The following NALF1 variants were observed in gnomAD, a reference collection of about 807,000 sequenced individuals.
NALF1 encodes NALCN channel auxiliary factor 1.
NALF1 carries 3 observed loss-of-function variants against 48.4 expected under a neutral mutation model. The observed-to-expected ratio is 0.06, with a 90% confidence interval of 0.03 to 0.16. The LOEUF (loss-of-function observed/expected upper bound fraction) is 0.16. Ranked by LOEUF, NALF1 falls within the 10% of genes least tolerant of loss-of-function variation. The probability of loss-of-function intolerance (pLI) is 1.00; values close to 1 mark genes in which losing one functional copy is unlikely to be tolerated. For synonymous variants in NALF1, 262 were observed against 245.7 expected (o/e 1.07, Z -0.62); for missense variants, 526 against 571.5 (o/e 0.92, Z 0.81).
At chr13:107,325,879 T>TATATATATAC (rs1162789633) in intron 1 of NALF1, among the ~76,000 whole-genome samples, 1 of 105,968 alleles carries the variant, frequency 9.4e-6, no homozygotes. Flanking sequence ...TATATATATA[T>TATATATATAC]ATATATATAC....
intron 1 of NALF1, among the ~76,000 whole-genome samples, chr13:107,536,614 C>T (rs927649550): frequency 6.6e-6 from 1 of 152,166 alleles, no homozygotes; most frequent in Non-Finnish European, 1.5e-5. Context: ...AATAGGAACA[C>T]TTTTACACTG....
chr13:107,515,438 A>G (rs996770053), intron 1 of NALF1, among the ~76,000 whole-genome samples: 4 of 152,032 alleles, frequency 2.6e-5, no homozygotes, highest in African/African-American at 9.7e-5. Flanking sequence ...CCTTATAACA[A>G]CCTGTTATAA....
chr13:107,732,881 T>C (rs1439133766), intron 1 of NALF1, among the ~76,000 whole-genome samples: 1 of 152,162 alleles, frequency 6.6e-6, no homozygotes, highest in Non-Finnish European at 1.5e-5. Context: ...AAGACACATA[T>C]GGACAAACTT....
At chr13:107,382,507 C>T (rs1354103583) in intron 1 of NALF1, among the ~76,000 whole-genome samples, 3 of 152,182 alleles carry the variant, frequency 2.0e-5, no homozygotes, top group Non-Finnish European at 2.9e-5. Flanking sequence ...CTAATGTTAA[C>T]ATTTTACATA....
chr13:107,530,828 A>G (rs1018751860), intron 1 of NALF1, among the ~76,000 whole-genome samples: 6 of 152,128 alleles, frequency 3.9e-5, no homozygotes, highest in Admixed American at 3.3e-4. Context: ...GTTATATATG[A>G]ACTATTTTCA....
chr13:107,821,480 A>G (rs1041486264), intron 1 of NALF1, among the ~76,000 whole-genome samples: 1 of 152,294 alleles, frequency 6.6e-6, no homozygotes, highest in Non-Finnish European at 1.5e-5. Context: ...TGAGGAGGAC[A>G]TTTCTTCTCT....
chr13:107,671,994 GC>G (rs1165323826), intron 1 of NALF1, among the ~76,000 whole-genome samples: 1 of 128,592 alleles, frequency 7.8e-6, no homozygotes, highest in Non-Finnish European at 1.6e-5. Flanking sequence ...GGGTAAAATT[GC>G]CTTGAAAAAA....
chr13:107,325,948 A>T (rs1882355559), intron 1 of NALF1, among the ~76,000 whole-genome samples: 1 of 146,750 alleles, frequency 6.8e-6, no homozygotes. Flanking sequence ...ACACATATAT[A>T]CATATATATA....
chr13:107,498,424 CATT>C (rs1296986038), intron 1 of NALF1, among the ~76,000 whole-genome samples: 2 of 152,034 alleles, frequency 1.3e-5, no homozygotes, highest in African/African-American at 4.8e-5. Flanking sequence ...GCTTTCCTGT[CATT>C]GTTAAAAAAT....
At chr13:107,419,880 G>A (rs1884156646) in intron 1 of NALF1, among the ~76,000 whole-genome samples, 1 of 152,046 alleles carries the variant, frequency 6.6e-6, no homozygotes, top group Non-Finnish European at 1.5e-5. Flanking sequence ...AATCTCTCTG[G>A]AAAACTGAGA....
At chr13:107,278,666 C>CATTTTATG (rs1881327954) in intron 1 of NALF1, among the ~76,000 whole-genome samples, 1 of 152,072 alleles carries the variant, frequency 6.6e-6, no homozygotes, top group African/African-American at 2.4e-5. Flanking sequence ...TGCTTACCAG[C>CATTTTATG]TAATTAAGGG....
chr13:107,537,397 A>G (rs1460736506), intron 1 of NALF1, among the ~76,000 whole-genome samples: 3 of 152,184 alleles, frequency 2.0e-5, no homozygotes, highest in Admixed American at 1.3e-4. Context: ...TATTTAGTGA[A>G]TGGAATCAAT....
intron 1 of NALF1, among the ~76,000 whole-genome samples, chr13:107,336,980 A>G (rs1882570111): frequency 7.0e-6 from 1 of 143,676 alleles, no homozygotes; most frequent in South Asian, 2.3e-4. Context: ...AGAAACCCGC[A>G]TTGTTCTTCT....
chr13:107,410,686 C>G (rs1883975372), intron 1 of NALF1, among the ~76,000 whole-genome samples: 1 of 152,136 alleles, frequency 6.6e-6, no homozygotes, highest in South Asian at 2.1e-4. Context: ...TTCTGTGAGG[C>G]ACCTACAATC....
At chr13:107,802,512 T>G (rs1878650496) in intron 1 of NALF1, among the ~76,000 whole-genome samples, 1 of 152,110 alleles carries the variant, frequency 6.6e-6, no homozygotes, top group South Asian at 2.1e-4. Flanking sequence ...CTTAGAAAAA[T>G]TATTGTATGC....
intron 1 of NALF1, among the ~76,000 whole-genome samples, chr13:107,752,011 T>G (rs1876954741): frequency 6.6e-6 from 1 of 152,134 alleles, no homozygotes; most frequent in Admixed American, 6.5e-5. Flanking sequence ...TATTAATATT[T>G]ATATTAATGT....
At chr13:107,819,465 C>T (rs1369894222) in intron 1 of NALF1, among the ~76,000 whole-genome samples, 1 of 151,770 alleles carries the variant, frequency 6.6e-6, no homozygotes, top group African/African-American at 2.4e-5. Flanking sequence ...TTAGGTGGGA[C>T]GCCCCATGCT....
At chr13:107,380,659 TTAAAAGATGG>T (rs1315726032) in intron 1 of NALF1, among the ~76,000 whole-genome samples, 1 of 152,100 alleles carries the variant, frequency 6.6e-6, no homozygotes, top group Non-Finnish European at 1.5e-5. Flanking sequence ...AAAGATTTTG[TTAAAAGATGG>T]GGATTTAAGA....
intron 1 of NALF1, among the ~76,000 whole-genome samples, chr13:107,582,225 G>A (rs751336497): frequency 2.6e-5 from 4 of 152,078 alleles, no homozygotes; most frequent in Admixed American, 1.3e-4. Context: ...TAATGACTCC[G>A]AAGTAGACAT....
Sources: allele counts gnomAD v4.1 joint callset (sites outside exome capture counted in the v4.1 genomes callset), GRCh38; gene constraint gnomAD v4.1.1; transcripts MANE v1.5; gene names NCBI Gene and HGNC (gene_info 2026-07-23, HGNC 2026-07-21).